SLC35F3: variants seen among roughly 807,000 people sequenced by gnomAD.
SLC35F3 encodes putative thiamine transporter SLC35F3.
SLC35F3 carries 25 observed loss-of-function variants against 49.9 expected under a neutral mutation model. The ratio of observed to expected loss-of-function variants is 0.50; its 90% CI spans 0.37 to 0.70. The LOEUF (loss-of-function observed/expected upper bound fraction) is 0.70. Among genes scored for constraint, SLC35F3 ranks in the 30% least tolerant of loss-of-function variants. SLC35F3 has a pLI of 0.00. For synonymous variants in SLC35F3, 275 were observed against 265.4 expected (o/e 1.04, Z -0.35); for missense variants, 525 against 639.8 (o/e 0.82, Z 1.94).
chr1:234,123,906 G>A (rs1665611241), intron 2 of SLC35F3, among the ~76,000 whole-genome samples: 1 of 152,206 alleles, frequency 6.6e-6, no homozygotes, highest in Non-Finnish European at 1.5e-5. Flanking sequence ...TGTTCTGGAA[G>A]AGACAGTTAT....
In SLC35F3 at chr1:233,905,658, G is replaced by A. The variant is rs961310745; in HGVS notation, c.183G>A (p.Glu61=). 2 of 1,614,216 alleles carry A rather than the reference G, an allele frequency of 1.2e-6. No individual in the cohort carries two copies. The highest frequency in any genetic ancestry group is 1.7e-6 in the Non-Finnish European group (2 of 1,180,032). ...KEDLKWSRSV[E]DLTSGPVGLT... ...ATCTGAAATGGTCGCGCTCCGTGGA[G>A]GATCTCACCAGCGGGCCGGTGGGGC... Residue 61 remains glutamate, a synonymous_variant, in exon 2 of 8, where the codon GAG becomes GAA. Coordinates refer to ENST00000366618, the MANE Select transcript of SLC35F3 (RefSeq NM_173508.4).
rs1010936512 is a variant in SLC35F3 at position 233,905,543 on chromosome 1, C to A, written c.68C>A (p.Ser23Ter). The A allele has an allele frequency of 1.2e-6, 2 of 1,613,272 alleles. No homozygotes were observed. The highest frequency in any genetic ancestry group is 2.7e-5 in the African/African-American group (2 of 74,938). ...GKSIAVGMRR[S>*]PDVSPRRLSD... ...TGCGACCGCAGTGGCATGAGGAGGT[C>A]ACCGGACGTCAGCCCCCGGAGACTG... Residue 23 changes from serine to a stop codon, truncating the protein, a stop_gained, in exon 2 of 8, where the codon TCA (serine) becomes TAA (stop). Coordinates refer to ENST00000366618, the MANE Select transcript of SLC35F3 (RefSeq NM_173508.4). LOFTEE classifies it high-confidence loss of function.
At chr1:233,907,498 G>A (rs966227537) in intron 2 of SLC35F3, among the ~76,000 whole-genome samples, 3 of 152,198 alleles carry the variant, frequency 2.0e-5, no homozygotes, top group Non-Finnish European at 4.4e-5. Flanking sequence ...AATAGTAGCA[G>A]GGAAGGCTAC....
rs769842963 is a variant in SLC35F3, at chr1:233,905,653, G to A, written c.178G>A (p.Val60Met). Residue 60 changes from valine to methionine, a missense_variant, in exon 2 of 8, where the codon GTG becomes ATG. By Grantham distance (21) the Val-to-Met change is conservative. Around this residue, in one of 4 missense-constraint regions of SLC35F3, gnomAD observed 228 missense variants for 218.9 expected, o/e 1.04. Coordinates refer to ENST00000366618, the MANE Select transcript of SLC35F3 (RefSeq NM_173508.4). ...IKEDLKWSRS[V>M]EDLTSGPVGL... ...GGAGGATCTGAAATGGTCGCGCTCC[G>A]TGGAGGATCTCACCAGCGGGCCGGT... 1.2e-6 allele frequency: 2 copies of A among 1,614,188 alleles called. No individual in the cohort carries two copies. Among genetic ancestry groups the A allele is most frequent in the African/African-American group, 1.3e-5 (1 of 75,060 alleles).
At chr1:234,317,880 A>G (rs1436257110) in intron 5 of SLC35F3, among the ~76,000 whole-genome samples, 1 of 152,214 alleles carries the variant, frequency 6.6e-6, no homozygotes, top group Non-Finnish European at 1.5e-5. Flanking sequence ...CAATGAACAC[A>G]ATATTCTGAT....
intron 2 of SLC35F3, among the ~76,000 whole-genome samples, chr1:233,997,647 C>A (rs1663482439): frequency 6.6e-6 from 1 of 152,140 alleles, no homozygotes; most frequent in Non-Finnish European, 1.5e-5. Flanking sequence ...CTTCTTGCAC[C>A]ACAATACTGA....
In SLC35F3 at chr1:234,316,257, G is replaced by A. The variant is rs554636333; in HGVS notation, c.829-345G>A. ...GGGGCTTCCCAGGGATTATCTACCA[G>A]GCTTGTCATGACCAAATAACCTGCC... On this transcript the variant is annotated intron_variant, in intron 4 of 7. Transcript: ENST00000366618. Among the ~76,000 whole-genome samples, 4 of 152,210 alleles carry A rather than the reference G, an allele frequency of 2.6e-5. No individual in the cohort carries two copies. The South Asian group carries it at 8.3e-4, about 32-fold the overall frequency.
intron 2 of SLC35F3, among the ~76,000 whole-genome samples, chr1:234,191,504 A>G (rs543704441): frequency 1.1e-3 from 172 of 152,242 alleles, no homozygotes; most frequent in African/African-American, 4.0e-3. Flanking sequence ...CTGAAAAAGC[A>G]CAAATAGGCA....
chr1:234,247,449 GGGTT>G (rs1232858944), intron 3 of SLC35F3, among the ~76,000 whole-genome samples: 12 of 149,528 alleles, frequency 8.0e-5, no homozygotes, highest in Non-Finnish European at 1.8e-4. Context: ...ATTGTTTGGT[GGGTT>G]GGTTGGTTGG....
At chr1:234,282,921 C>T (rs1668352403) in intron 3 of SLC35F3, among the ~76,000 whole-genome samples, 1 of 152,104 alleles carries the variant, frequency 6.6e-6, no homozygotes, top group South Asian at 2.1e-4. Flanking sequence ...GTGAAGTCTC[C>T]CCTTCTGAAG....
chr1:234,055,954 A>G (rs1218733826), intron 2 of SLC35F3, among the ~76,000 whole-genome samples: 1 of 152,180 alleles, frequency 6.6e-6, no homozygotes, highest in Non-Finnish European at 1.5e-5. Context: ...TTTTGTATTC[A>G]GAAAACTTAC....
chr1:234,097,381 G>A (rs960134408), intron 2 of SLC35F3, among the ~76,000 whole-genome samples: 1 of 152,090 alleles, frequency 6.6e-6, no homozygotes, highest in African/African-American at 2.4e-5. Context: ...CATTTATTGA[G>A]CACCTACCTT....
At chr1:234,241,056 G>A (rs149110966) in intron 3 of SLC35F3, among the ~76,000 whole-genome samples, 2 of 152,198 alleles carry the variant, frequency 1.3e-5, no homozygotes, top group African/African-American at 2.4e-5. Flanking sequence ...AAGCAAAAAG[G>A]AGAAAACATG....
intron 2 of SLC35F3, among the ~76,000 whole-genome samples, chr1:234,123,575 A>ATT (rs1251411510): frequency 2.4e-5 from 2 of 82,576 alleles, no homozygotes; most frequent in Non-Finnish European, 5.6e-5. Context: ...ATGCCTGGTT[A>ATT]ATTTTTTTTT....
chr1:234,262,860 T>C (rs567437724), intron 3 of SLC35F3, among the ~76,000 whole-genome samples: 1 of 152,330 alleles, frequency 6.6e-6, no homozygotes, highest in South Asian at 2.1e-4. Context: ...AAAACAGGAC[T>C]GTTTGTATTC....
intron 2 of SLC35F3, among the ~76,000 whole-genome samples, chr1:234,006,330 T>A (rs1472184944): frequency 6.6e-6 from 1 of 152,156 alleles, no homozygotes; most frequent in Non-Finnish European, 1.5e-5. Flanking sequence ...AAAATTAAGA[T>A]TTTTCTGAAA....
rs1413885022 is a variant in SLC35F3 at position 234,214,897 on chromosome 1, T to C, written c.284-16520T>C. The C allele has an allele frequency of 2.1e-5, 6 of 280,952 alleles. No homozygotes were observed. In the East Asian group the frequency reaches 2.7e-4, roughly 13 times the overall value. 17.4% of individuals were successfully genotyped at this position (280,952 alleles called of 1,614,324 possible). ...ATCCCAGTTTGTCCTGGGGCTCTTGTCTGTTCGGCAGGAGGGGGTCGTCCA... is the reference window on the plus strand; with the variant it reads ...ATCCCAGTTTGTCCTGGGGCTCTTGCCTGTTCGGCAGGAGGGGGTCGTCCA... On this transcript the variant is annotated intron_variant, in intron 2 of 7. Coordinates refer to ENST00000366618, the MANE Select transcript of SLC35F3 (RefSeq NM_173508.4). This position sits in a 1 kb window ranked among gnomAD's most constrained non-coding sequence, Gnocchi z 8.0.
rs1553317272 is a variant in SLC35F3 at position 234,232,535 on chromosome 1, A to AAG, written c.608+795_608+796insGA. Among the ~76,000 whole-genome samples, 39 of 144,822 alleles carry AAG rather than the reference A, an allele frequency of 2.7e-4. 1 individual carries two copies. The highest frequency in any genetic ancestry group is 4.1e-4 in the African/African-American group (16 of 38,822). On this transcript the variant is annotated intron_variant, in intron 3 of 7. Transcript: ENST00000366618. ...AGGCCTAGTCAAAAAAAAAAAAAAAAAAAAAGAAAAAGAAAAAAAGAAACA... is the reference window on the plus strand; with the variant it reads ...AGGCCTAGTCAAAAAAAAAAAAAAAAAGAAAAAGAAAAAGAAAAAAAGAAACA...
chr1:234,079,652 G>A (rs1664845599), intron 2 of SLC35F3, among the ~76,000 whole-genome samples: 1 of 152,160 alleles, frequency 6.6e-6, no homozygotes, highest in African/African-American at 2.4e-5. Context: ...CCAATGAAAT[G>A]TCTAACATCA....
Sources: gnomAD v4.1 joint callset for allele counts (sites outside exome capture counted in the v4.1 genomes callset) on GRCh38, gnomAD v4.1.1 for gene constraint, gnomAD v4.1.1 regional missense constraint, Gnocchi (gnomAD v3.1) non-coding constraint, MANE v1.5 for transcripts, NCBI Gene and HGNC (gene_info 2026-07-23, HGNC 2026-07-21) for gene names.